The following GALNT13 variants were observed in gnomAD, a reference collection of about 807,000 sequenced individuals.
The protein encoded by GALNT13 is polypeptide N-acetylgalactosaminyltransferase 13.
In GALNT13, 28 loss-of-function variants were observed where a neutral mutation model predicts 64.2. The ratio of observed to expected loss-of-function variants is 0.44; its 90% CI spans 0.32 to 0.60. GALNT13 has a LOEUF of 0.60. Ranked by LOEUF, GALNT13 falls within the 20% of genes least tolerant of loss-of-function variation. The pLI, the probability that GALNT13 is intolerant of heterozygous loss-of-function variation, is 0.05. For missense variants in GALNT13, 577 were observed against 669.8 expected, an observed-to-expected ratio of 0.86 and a Z score of 1.53; for synonymous variants, 214 against 224.6, an observed-to-expected ratio of 0.95 and a Z score of 0.42.
chr2:153,310,194 T>C, the GALNT13 span, among the ~76,000 whole-genome samples: 1 of 152,240 alleles, frequency 6.6e-6, no homozygotes, highest in African/African-American at 2.4e-5. Flanking sequence ...TGAGAAAAGT[T>C]AGTTTAAAAA....
In GALNT13 at chr2:154,298,709, T is replaced by TTATATATAAATTGTATATACAATG. The variant is rs1559076007; in HGVS notation, c.976-2688_976-2687insGTATATACAATGTATATATAAATT. Among the ~76,000 whole-genome samples the TTATATATAAATTGTATATACAATG allele has an allele frequency of 9.7e-5, 7 of 71,904 alleles. 1 individual carries two copies. The East Asian group carries it at 2.0e-3, about 21-fold the overall frequency. 47.2% of individuals were successfully genotyped at this position (71,904 alleles called of 152,430 possible). On this transcript the variant is annotated intron_variant, in intron 8 of 12. Transcript: ENST00000392825. ...TTTATATATACATTGTATATACAAT[T>TTATATATAAATTGTATATACAATG]TATATATAAATTATATTATTTATAT...
At chr2:153,738,782 A>T in the GALNT13 span, among the ~76,000 whole-genome samples, 1 of 151,920 alleles carries the variant, frequency 6.6e-6, no homozygotes, top group African/African-American at 2.4e-5. Context: ...TACATGTTAT[A>T]ATAAATTTAT....
chr2:154,273,488 G>A (rs1402079614), intron 8 of GALNT13, among the ~76,000 whole-genome samples: 1 of 152,178 alleles, frequency 6.6e-6, no homozygotes, highest in Non-Finnish European at 1.5e-5. Flanking sequence ...GATTTGTTCA[G>A]CATACAATTA....
At chr2:153,402,620 C>G in the GALNT13 span, among the ~76,000 whole-genome samples, 1 of 152,038 alleles carries the variant, frequency 6.6e-6, no homozygotes, top group Non-Finnish European at 1.5e-5. Context: ...GGAGGCTTTT[C>G]TCATTTCTTT....
chr2:153,864,274 G>C, the GALNT13 span, among the ~76,000 whole-genome samples: 6 of 152,168 alleles, frequency 3.9e-5, no homozygotes, highest in Admixed American at 2.6e-4. Context: ...TTCTTTGACA[G>C]GAGTGATTAC....
chr2:154,286,907 T>A, intron 8 of GALNT13: 3 of 476,158 alleles, frequency 6.3e-6, no homozygotes, highest in Non-Finnish European at 7.9e-6. Flanking sequence ...TTTGCGCACA[T>A]CTTCACCAGC....
chr2:153,140,522 C>T, the GALNT13 span, among the ~76,000 whole-genome samples: 8 of 152,158 alleles, frequency 5.3e-5, no homozygotes, highest in East Asian at 1.6e-3. Flanking sequence ...GCAGGACTAA[C>T]TCTGAGATTT....
intron 4 of GALNT13, among the ~76,000 whole-genome samples, chr2:154,190,231 A>G (rs1002107920): frequency 6.6e-6 from 1 of 152,218 alleles, no homozygotes; most frequent in Admixed American, 6.5e-5. Context: ...CTGGCAAGTC[A>G]AGGCTCAAAA....
the GALNT13 span, among the ~76,000 whole-genome samples, chr2:153,625,053 C>A: frequency 6.6e-6 from 1 of 151,982 alleles, no homozygotes; most frequent in African/African-American, 2.4e-5. Flanking sequence ...TAGATCCTAG[C>A]AATTCTAAAA....
At chr2:153,880,359 T>C (rs1431906697) in intron 1 of GALNT13, among the ~76,000 whole-genome samples, 1 of 152,146 alleles carries the variant, frequency 6.6e-6, no homozygotes, top group Non-Finnish European at 1.5e-5. Flanking sequence ...TAAAATGGCT[T>C]TTCTTTGGTG....
At chr2:153,671,267 A>G in the GALNT13 span, among the ~76,000 whole-genome samples, 2 of 152,194 alleles carry the variant, frequency 1.3e-5, no homozygotes, top group African/African-American at 2.4e-5. Context: ...ACCGAGGTTG[A>G]AATGAAGGAA....
chr2:154,282,318 G>T (rs756307667), intron 8 of GALNT13, among the ~76,000 whole-genome samples: 1 of 152,036 alleles, frequency 6.6e-6, no homozygotes, highest in African/African-American at 2.4e-5. Flanking sequence ...TATAGTCTCA[G>T]CTCCTTTATT....
the GALNT13 span, among the ~76,000 whole-genome samples, chr2:153,799,048 A>T: frequency 2.0e-3 from 298 of 152,266 alleles, 3 homozygotes; most frequent in East Asian, 0.035. Flanking sequence ...TTTACAGGAG[A>T]TGAAATGCAA....
chr2:153,550,327 C>T, the GALNT13 span, among the ~76,000 whole-genome samples: 6 of 151,946 alleles, frequency 3.9e-5, no homozygotes, highest in Admixed American at 2.0e-4. Context: ...CTCTGCCTCC[C>T]GAGTTCAAGT....
At position 154,282,276 on chromosome 2, in the gene GALNT13, GA is replaced by G. The variant is rs200156481; in HGVS notation, c.976-19128del. ...GAGAGGAATTCCCATATTTGAGGGG[GA>G]AAAACACATTTATTGCCTCATAATA... is the stretch of plus-strand genomic sequence containing the variant. On this transcript the variant is annotated intron_variant, in intron 8 of 12. Transcript: ENST00000392825. 4.7e-3 allele frequency among the ~76,000 whole-genome samples: 713 copies of G among 152,212 alleles called. 5 individuals carry two copies. Among genetic ancestry groups the G allele is most frequent in the African/African-American group, 0.017 (689 of 41,550 alleles).
the GALNT13 span, among the ~76,000 whole-genome samples, chr2:153,772,141 G>A: frequency 6.6e-6 from 1 of 152,182 alleles, no homozygotes; most frequent in Admixed American, 6.5e-5. Context: ...CTGGCTGTGA[G>A]CATTAGTCCT....
At chr2:153,258,087 C>T in the GALNT13 span, among the ~76,000 whole-genome samples, 1 of 152,112 alleles carries the variant, frequency 6.6e-6, no homozygotes, top group Non-Finnish European at 1.5e-5. Flanking sequence ...TGGCTGGACT[C>T]AGCTTTAAAA....
At chr2:153,412,814 T>C in the GALNT13 span, among the ~76,000 whole-genome samples, 1 of 152,190 alleles carries the variant, frequency 6.6e-6, no homozygotes, top group East Asian at 1.9e-4. Context: ...CCCAATTAAC[T>C]GTGGCAGTGG....
At chr2:153,278,529 G>T in the GALNT13 span, among the ~76,000 whole-genome samples, 1 of 151,968 alleles carries the variant, frequency 6.6e-6, no homozygotes, top group Non-Finnish European at 1.5e-5. Flanking sequence ...GTGAATTTTC[G>T]TATATAGTGA....
Sources: gnomAD v4.1 joint callset for allele counts (sites outside exome capture counted in the v4.1 genomes callset) on GRCh38, gnomAD v4.1.1 for gene constraint, MANE v1.5 for transcripts, NCBI Gene and HGNC (gene_info 2026-07-23, HGNC 2026-07-21) for gene names.